The following JPH3 variants were observed in gnomAD, a reference collection of about 807,000 sequenced individuals.
The protein encoded by JPH3 is junctophilin 3.
JPH3 carries 11 observed loss-of-function variants against 59.6 expected under a neutral mutation model. That is an observed-to-expected ratio of 0.18 (90% CI 0.12 to 0.31). JPH3 has a LOEUF of 0.31. Among genes scored for constraint, JPH3 ranks in the 10% least tolerant of loss-of-function variants. The pLI, the probability that JPH3 is intolerant of heterozygous loss-of-function variation, is 1.00. For missense variants in JPH3, 1,202 were observed against 1,105.7 expected (o/e 1.09, Z -1.24); for synonymous variants, 673 against 483.6 (o/e 1.39, Z -5.14).
chr16:87,678,488 G>A (rs1348975536), intron 2 of JPH3, among the ~76,000 whole-genome samples: 2 of 152,030 alleles, frequency 1.3e-5, no homozygotes, highest in Admixed American at 1.3e-4. Flanking sequence ...GCAGTGAGCC[G>A]AGATCATGCC....
At chr16:87,681,712 A>C (rs940712441) in intron 2 of JPH3, among the ~76,000 whole-genome samples, 20 of 152,104 alleles carry the variant, frequency 1.3e-4, no homozygotes, top group African/African-American at 3.9e-4. Context: ...TTGTTCCGGA[A>C]GGTCAAGTGC....
At chr16:87,670,446 C>T (rs1036450641) in intron 2 of JPH3, among the ~76,000 whole-genome samples, 2 of 152,218 alleles carry the variant, frequency 1.3e-5, no homozygotes, top group African/African-American at 4.8e-5. Context: ...CTATCAATGG[C>T]ACTGCACTGG....
rs147815096 is a variant in JPH3, at chr16:87,689,686, C to T, written c.1326C>T (p.Asp442=). The T allele has an allele frequency of 1.3e-4, 211 of 1,612,314 alleles. No homozygotes were observed. The African/African-American group carries it at 1.5e-3, about 11-fold the overall frequency. Residue 442 remains aspartate (D), a synonymous_variant, in exon 4 of 5, where the codon GAC becomes GAT. Transcript: ENST00000284262. ...YQRPKRQTSC[D]DIEVLSTGTP... ...GGCCGAAGCGTCAGACCTCCTGTGACGACATCGAGGTGCTGTCCACCGGGA... is the reference window on the plus strand; with the variant it reads ...GGCCGAAGCGTCAGACCTCCTGTGATGACATCGAGGTGCTGTCCACCGGGA...
chr16:87,695,339 G>A (rs1337396968), intron 4 of JPH3: 1 of 456,110 alleles, frequency 2.2e-6, no homozygotes, highest in South Asian at 1.5e-5. Flanking sequence ...TGTTAACAGG[G>A]AGGGGGAGGA....
intron 4 of JPH3, chr16:87,695,795 C>T: frequency 2.2e-6 from 1 of 455,952 alleles, no homozygotes; most frequent in South Asian, 1.5e-5. Context: ...GAAGGGCGCC[C>T]CCGGAAAAGG....
intron 2 of JPH3, among the ~76,000 whole-genome samples, chr16:87,683,713 C>G (rs62053831): frequency 2.0e-5 from 3 of 152,142 alleles, no homozygotes; most frequent in Non-Finnish European, 4.4e-5. Flanking sequence ...TTCAAGCAAT[C>G]CTCCTGCCTC....
chr16:87,686,975 T>A (rs561690120), intron 3 of JPH3, among the ~76,000 whole-genome samples: 3 of 152,342 alleles, frequency 2.0e-5, no homozygotes, highest in Admixed American at 1.3e-4. Flanking sequence ...CTCGGTCCGA[T>A]CTGCCACCTC....
intron 2 of JPH3, chr16:87,653,696 A>G (rs2032400575): frequency 6.6e-6 from 1 of 152,212 alleles, no homozygotes; most frequent in Non-Finnish European, 1.5e-5. Context: ...GTGTCCCCCT[A>G]AAGTTCATGC....
At chr16:87,649,333 GT>G (rs1257892212) in intron 2 of JPH3, among the ~76,000 whole-genome samples, 1 of 152,184 alleles carries the variant, frequency 6.6e-6, no homozygotes, top group Non-Finnish European at 1.5e-5. Context: ...CACTCAAGAC[GT>G]TTTCATGACT....
At chr16:87,667,472 A>G (rs2032899854) in intron 2 of JPH3, among the ~76,000 whole-genome samples, 1 of 152,162 alleles carries the variant, frequency 6.6e-6, no homozygotes, top group African/African-American at 2.4e-5. Flanking sequence ...GTTCAGAAAG[A>G]CAGAAGGAAC....
chr16:87,612,142 G>A (rs1246083720), intron 1 of JPH3, among the ~76,000 whole-genome samples: 1 of 152,116 alleles, frequency 6.6e-6, no homozygotes, highest in Non-Finnish European at 1.5e-5. Flanking sequence ...ATTTTTTTCA[G>A]ACGGGGGCTG....
intron 2 of JPH3, among the ~76,000 whole-genome samples, chr16:87,663,436 G>C (rs1192786422): frequency 6.6e-6 from 1 of 152,260 alleles, no homozygotes; most frequent in African/African-American, 2.4e-5. Context: ...GAGTTGGACA[G>C]TCGGTTTTGC....
chr16:87,689,869 G>A lies in JPH3; in HGVS notation c.1509G>A (p.Arg503=), dbSNP rs975200842. The A allele has an allele frequency of 7.4e-6, 11 of 1,496,562 alleles. No homozygotes were observed. The Middle Eastern group carries it at 7.0e-4, about 95-fold the overall frequency. 92.7% of individuals were successfully genotyped at this position (1,496,562 alleles called of 1,614,324 possible). ...AARNKVAHFS[R]QVSVDEERGG... is the part of the protein sequence containing the mutation. The stretch of plus-strand genomic sequence containing the variant: ...GGAACAAGGTCGCCCACTTCTCGAG[G>A]CAGGTGTCGGTGGACGAGGAGCGGG... The change falls in exon 4 of 5, where the codon AGG becomes AGA. Residue 503 remains arginine, a synonymous_variant. Coordinates refer to ENST00000284262, the MANE Select transcript of JPH3 (RefSeq NM_020655.4).
chr16:87,671,448 A>G (rs866953856), intron 2 of JPH3, among the ~76,000 whole-genome samples: 31 of 152,286 alleles, frequency 2.0e-4, no homozygotes, highest in African/African-American at 7.0e-4. Flanking sequence ...GCCACTCACC[A>G]GCGCCACCTG....
chr16:87,635,690 C>G (rs1031664863), intron 1 of JPH3, among the ~76,000 whole-genome samples: 32 of 152,218 alleles, frequency 2.1e-4, no homozygotes, highest in African/African-American at 6.0e-4. Flanking sequence ...GCGGCCTCAT[C>G]TCATCCGCTC....
At chr16:87,638,132 C>T (rs938840410) in intron 1 of JPH3, among the ~76,000 whole-genome samples, 5 of 152,148 alleles carry the variant, frequency 3.3e-5, no homozygotes, top group Non-Finnish European at 5.9e-5. Context: ...ATTGGCCAGG[C>T]TGGTCTCGAA....
chr16:87,692,928 A>G (rs2033640503), intron 4 of JPH3, among the ~76,000 whole-genome samples: 1 of 152,150 alleles, frequency 6.6e-6, no homozygotes, highest in Non-Finnish European at 1.5e-5. Context: ...CTACCCCACT[A>G]CAGGCTGACT....
chr16:87,686,051 T>C (rs1387533149), intron 3 of JPH3, among the ~76,000 whole-genome samples: 1 of 152,132 alleles, frequency 6.6e-6, no homozygotes, highest in Non-Finnish European at 1.5e-5. Context: ...CAGAGATCAC[T>C]GGAGACTCCG....
chr16:87,671,997 G>T (rs2033028917), intron 2 of JPH3, among the ~76,000 whole-genome samples: 1 of 152,206 alleles, frequency 6.6e-6, no homozygotes. Flanking sequence ...GCCTGACGGG[G>T]TACGTGCTGC....
Sources: gnomAD v4.1 joint callset for allele counts (sites outside exome capture counted in the v4.1 genomes callset) on GRCh38, gnomAD v4.1.1 for gene constraint, MANE v1.5 for transcripts, NCBI Gene and HGNC (gene_info 2026-07-23, HGNC 2026-07-21) for gene names.